PPP2R2B: variants seen among roughly 807,000 people sequenced by gnomAD.
PPP2R2B encodes protein phosphatase 2 regulatory subunit Bbeta.
Under a neutral mutation model 46.0 loss-of-function variants are expected in PPP2R2B, and 5 were observed. The ratio of observed to expected loss-of-function variants is 0.11; its 90% confidence interval spans 0.06 to 0.23. The LOEUF (loss-of-function observed/expected upper bound fraction) is 0.23, where lower values mean the gene tolerates loss of function less well. Ranked by LOEUF, PPP2R2B falls within the 10% of genes least tolerant of loss-of-function variation. PPP2R2B has a pLI of 1.00. For missense variants in PPP2R2B, 367 were observed against 575.0 expected (o/e 0.64, Z 3.70); for synonymous variants, 215 against 206.7 (o/e 1.04, Z -0.34).
chr5:147,022,919 G>A (rs1244922572), intron 1 of PPP2R2B, among the ~76,000 whole-genome samples: 1 of 152,088 alleles, frequency 6.6e-6, no homozygotes, highest in Non-Finnish European at 1.5e-5. Context: ...AAGAAAAAAA[G>A]TTGAGTGAAT....
At chr5:146,690,793 T>C (rs1309697251) in intron 5 of PPP2R2B, among the ~76,000 whole-genome samples, 1 of 152,240 alleles carries the variant, frequency 6.6e-6, no homozygotes, top group Non-Finnish European at 1.5e-5. Context: ...ACTCGCCATC[T>C]GGATTCTCAT....
intron 1 of PPP2R2B, among the ~76,000 whole-genome samples, chr5:146,981,021 A>T (rs1753149615): frequency 6.6e-6 from 1 of 152,222 alleles, no homozygotes; most frequent in African/African-American, 2.4e-5. Flanking sequence ...GAAAGGACTC[A>T]GTGAAACTTC....
intron 1 of PPP2R2B, among the ~76,000 whole-genome samples, chr5:146,960,562 T>C (rs908143562): frequency 6.6e-5 from 10 of 152,022 alleles, no homozygotes; most frequent in African/African-American, 2.4e-4. Context: ...TGCAAGATCT[T>C]TTAAATAAAA....
At chr5:146,706,985 G>T in intron 2 of PPP2R2B, 1 of 983,590 alleles carries the variant, frequency 1.0e-6, no homozygotes. Flanking sequence ...CAAGACTCCA[G>T]CTCTACCTCG....
At chr5:146,955,570 A>G (rs1751854216) in intron 1 of PPP2R2B, among the ~76,000 whole-genome samples, 1 of 152,042 alleles carries the variant, frequency 6.6e-6, no homozygotes, top group African/African-American at 2.4e-5. Context: ...AAGCCATTCA[A>G]ATAATGCTTG....
intron 5 of PPP2R2B, among the ~76,000 whole-genome samples, chr5:146,680,404 GT>G (rs11327150): frequency 0.22 from 31,704 of 143,708 alleles, 5,259 homozygotes; most frequent in African/African-American, 0.47. Flanking sequence ...GTGGGGTGGG[GT>G]GGGGAGGGAG....
rs375901201 is a variant in PPP2R2B at position 146,602,091 on chromosome 5, A to G, written c.791-1631T>C. On this transcript the variant is annotated intron_variant, in intron 7 of 9. Coordinates refer to ENST00000394411, the MANE Select transcript of PPP2R2B (RefSeq NM_181675.4). ...ACTCTTTGATGCATATACCTCATCT[A>G]CTACATATTATTTCACCCCAAATGA... Among the ~76,000 whole-genome samples the G allele has an allele frequency of 8.4e-4, 128 of 152,308 alleles. 3 individuals carry two copies. The South Asian group carries it at 0.026, about 31-fold the overall frequency.
intron 7 of PPP2R2B, among the ~76,000 whole-genome samples, chr5:146,608,606 C>T (rs1772533777): frequency 6.6e-6 from 1 of 152,102 alleles, no homozygotes; most frequent in South Asian, 2.1e-4. Context: ...ACCAACCTGG[C>T]CAATATGGTG....
intron 5 of PPP2R2B, among the ~76,000 whole-genome samples, chr5:146,658,680 T>C (rs1477007144): frequency 6.6e-6 from 1 of 152,184 alleles, no homozygotes; most frequent in Non-Finnish European, 1.5e-5. Context: ...CAGCCTAGGT[T>C]CTCCTTCTTC....
At chr5:146,644,861 G>A (rs1434834508) in intron 6 of PPP2R2B, among the ~76,000 whole-genome samples, 6 of 152,180 alleles carry the variant, frequency 3.9e-5, no homozygotes, top group Non-Finnish European at 2.9e-5. Context: ...GGGTTTATAT[G>A]CATTGCCTTT....
intron 2 of PPP2R2B, among the ~76,000 whole-genome samples, chr5:146,812,332 C>A (rs1757600648): frequency 6.7e-6 from 1 of 149,152 alleles, no homozygotes; most frequent in Admixed American, 6.7e-5. Flanking sequence ...GATTCTGGAG[C>A]CTAGTAGATC....
At chr5:146,616,793 C>G (rs1773208838) in intron 7 of PPP2R2B, 2 of 152,316 alleles carry the variant, frequency 1.3e-5, no homozygotes, top group Admixed American at 1.3e-4. Context: ...CGAAAAACCA[C>G]TATGAATAAC....
At chr5:146,945,365 T>G (rs770696429) in intron 1 of PPP2R2B, among the ~76,000 whole-genome samples, 6 of 152,236 alleles carry the variant, frequency 3.9e-5, no homozygotes, top group Admixed American at 2.0e-4. Context: ...TGGATAATTA[T>G]TAACCAAATG....
intron 2 of PPP2R2B, among the ~76,000 whole-genome samples, chr5:146,817,549 C>A (rs148079219): frequency 6.6e-6 from 1 of 152,136 alleles, no homozygotes; most frequent in African/African-American, 2.4e-5. Context: ...TATTGTGAGC[C>A]TTTTCCCTTT....
intron 1 of PPP2R2B, among the ~76,000 whole-genome samples, chr5:146,982,283 A>G (rs891047733): frequency 1.3e-5 from 2 of 151,948 alleles, no homozygotes; most frequent in Admixed American, 6.6e-5. Flanking sequence ...ATTCCATTTC[A>G]TATATTTATT....
chr5:146,987,753 G>A (rs1753497326), intron 1 of PPP2R2B, among the ~76,000 whole-genome samples: 1 of 151,852 alleles, frequency 6.6e-6, no homozygotes, highest in Non-Finnish European at 1.5e-5. Context: ...CAACAAAATG[G>A]CAGTAGTAAG....
At chr5:146,676,637 C>T (rs1777735135) in intron 5 of PPP2R2B, among the ~76,000 whole-genome samples, 1 of 152,142 alleles carries the variant, frequency 6.6e-6, no homozygotes, top group South Asian at 2.1e-4. Context: ...ATTCACCTTT[C>T]CTCTAGAGGC....
chr5:146,998,797 C>G (rs547608423), intron 1 of PPP2R2B, among the ~76,000 whole-genome samples: 1 of 151,692 alleles, frequency 6.6e-6, no homozygotes, highest in East Asian at 1.9e-4. Context: ...CTCTTTTTTC[C>G]CCCTTATCAC....
chr5:147,047,444 T>C (rs544692046), intron 1 of PPP2R2B, among the ~76,000 whole-genome samples: 3 of 152,200 alleles, frequency 2.0e-5, no homozygotes, highest in African/African-American at 7.2e-5. Context: ...TTTAAAAAAA[T>C]TTCTTAAACT....
Sources: gnomAD v4.1 joint callset for allele counts (sites outside exome capture counted in the v4.1 genomes callset) on GRCh38, gnomAD v4.1.1 for gene constraint, MANE v1.5 for transcripts, NCBI Gene and HGNC (gene_info 2026-07-23, HGNC 2026-07-21) for gene names.